The following CCDC171 variants were observed in gnomAD, a reference collection of about 807,000 sequenced individuals.
CCDC171 encodes the protein coiled-coil domain containing 171.
A neutral mutation model predicts 168.2 loss-of-function variants in CCDC171; 177 were observed. That is an observed-to-expected ratio of 1.05 (90% CI 0.93 to 1.19). CCDC171 has a LOEUF of 1.19. Among genes scored for constraint, CCDC171 ranks in the 50% most tolerant of loss-of-function variants. The pLI, the probability that CCDC171 is intolerant of heterozygous loss-of-function variation, is 0.00. For synonymous variants in CCDC171, 687 were observed against 540.8 expected (o/e 1.27, Z -3.75); for missense variants, 1,991 against 1,539.0 (o/e 1.29, Z -4.91).
Position 15,778,953 on chromosome 9 carries a change from C to A in CCDC171, c.2899-15C>A. 1 of 1,449,684 alleles carries A rather than the reference C, an allele frequency of 6.9e-7. No individual in the cohort carries two copies. The highest frequency in any genetic ancestry group is 2.6e-5 in the Admixed American group (1 of 38,644). The allele number at this position is 1,449,684 out of a possible 1,614,324, so 89.8% of individuals were successfully genotyped here. A position where few individuals can be genotyped will look rare whatever the true frequency, so the allele number is the denominator to read the frequency against. On this transcript the variant is annotated splice_polypyrimidine_tract_variant and intron_variant, in intron 19 of 25. Coordinates refer to ENST00000380701, the MANE Select transcript of CCDC171 (RefSeq NM_173550.4). ...TGTAGTTACTGTTTATAAAATTGCTCTTGTTTAACAACAGAAAAGCACAGC... is the reference window on the plus strand; with the variant it reads ...TGTAGTTACTGTTTATAAAATTGCTATTGTTTAACAACAGAAAAGCACAGC...
intron 23 of CCDC171, among the ~76,000 whole-genome samples, chr9:15,850,827 A>G (rs955490288): frequency 2.0e-5 from 3 of 151,974 alleles, no homozygotes; most frequent in Non-Finnish European, 1.5e-5. Flanking sequence ...TGAAACAAAG[A>G]GTAGTATGGA....
At chr9:16,013,785 C>T (rs1290226124) in intron 3 of CCDC171, among the ~76,000 whole-genome samples, 2 of 152,200 alleles carry the variant, frequency 1.3e-5, no homozygotes, top group African/African-American at 4.8e-5. Context: ...CTATTAAGTA[C>T]ACTATATTGT....
chr9:15,898,257 A>T (rs543843197), intron 24 of CCDC171, among the ~76,000 whole-genome samples: 47 of 152,268 alleles, frequency 3.1e-4, no homozygotes, highest in African/African-American at 1.1e-3. Context: ...TTATTTGGCA[A>T]TTCCTGATTG....
intron 3 of CCDC171, among the ~76,000 whole-genome samples, chr9:16,014,884 G>T (rs1301498309): frequency 1.3e-5 from 2 of 151,980 alleles, no homozygotes; most frequent in Non-Finnish European, 2.9e-5. Context: ...ATTCTTAAGG[G>T]CCCTAGGATT....
chr9:16,051,066 T>C (rs3008668), intron 1 of CCDC171, among the ~76,000 whole-genome samples: 36,677 of 152,180 alleles, frequency 0.24, 4,831 homozygotes, highest in Middle Eastern at 0.32. Flanking sequence ...CTGTACAAAG[T>C]GGCCTATGCA....
the CCDC171 span, among the ~76,000 whole-genome samples, chr9:16,085,306 G>C: frequency 6.6e-6 from 1 of 152,240 alleles, no homozygotes; most frequent in Admixed American, 6.5e-5. Context: ...GAGAAGTAGA[G>C]TCTTACGACA....
At chr9:16,101,861 C>T in the CCDC171 span, among the ~76,000 whole-genome samples, 2 of 152,186 alleles carry the variant, frequency 1.3e-5, no homozygotes, top group Admixed American at 1.3e-4. Context: ...GGGAAGAAGC[C>T]CCAAGCCTCG....
chr9:16,059,736 G>C (rs1236267650), intron 1 of CCDC171, among the ~76,000 whole-genome samples: 1 of 150,048 alleles, frequency 6.7e-6, no homozygotes, highest in Non-Finnish European at 1.5e-5. Context: ...GGATGGTCTC[G>C]ATCGCCTGAC....
intron 10 of CCDC171, among the ~76,000 whole-genome samples, chr9:15,681,928 T>C (rs2050066802): frequency 6.6e-6 from 1 of 152,120 alleles, no homozygotes; most frequent in Admixed American, 6.5e-5. Context: ...TTTTCCACAA[T>C]TATATTTCTT....
At chr9:15,954,669 A>T (rs1589237890) in intron 25 of CCDC171, among the ~76,000 whole-genome samples, 2 of 146,488 alleles carry the variant, frequency 1.4e-5, no homozygotes, top group Non-Finnish European at 1.5e-5. Context: ...ATGCTTGTTG[A>T]TTTTTTTTTT....
At chr9:15,747,245 C>T (rs936431402) in intron 18 of CCDC171, among the ~76,000 whole-genome samples, 7 of 152,264 alleles carry the variant, frequency 4.6e-5, no homozygotes, top group African/African-American at 1.7e-4. Flanking sequence ...GCAGCAGCCT[C>T]ATTCAGGGAC....
At chr9:15,795,753 A>G (rs189870441) in intron 21 of CCDC171, among the ~76,000 whole-genome samples, 201 of 152,344 alleles carry the variant, frequency 1.3e-3, no homozygotes, top group African/African-American at 4.6e-3. Flanking sequence ...TAGCAGCTAC[A>G]TGAGAATTTG....
chr9:16,084,296 T>C, the CCDC171 span, among the ~76,000 whole-genome samples: 1 of 152,120 alleles, frequency 6.6e-6, no homozygotes, highest in African/African-American at 2.4e-5. Context: ...CTCTCTGTCT[T>C]TGGCTGCCTG....
rs1045680808 is a variant in CCDC171, at chr9:15,771,235, C to T, written c.2672-6365C>T. Among the ~76,000 whole-genome samples, 6 of 152,024 alleles carry T rather than the reference C, an allele frequency of 3.9e-5. No homozygotes were observed. In the East Asian group the frequency reaches 9.6e-4, roughly 24 times the overall value. ...GTGCAGTTATTTCTTGGGCTAAATT[C>T]ATGAGAAATGGGATTGTATATTTTA... is the stretch of plus-strand genomic sequence containing the variant. On this transcript the variant is annotated intron_variant, in intron 18 of 25. Coordinates refer to ENST00000380701, the MANE Select transcript of CCDC171 (RefSeq NM_173550.4).
At chr9:15,714,912 ATCTCTGTAGG>A (rs1441236320) in intron 11 of CCDC171, among the ~76,000 whole-genome samples, 1 of 152,176 alleles carries the variant, frequency 6.6e-6, no homozygotes, top group African/African-American at 2.4e-5. Context: ...AATGTCAGTG[ATCTCTGTAGG>A]TCAAACCATT....
intron 4 of CCDC171, among the ~76,000 whole-genome samples, chr9:15,587,198 G>A (rs1267480443): frequency 6.6e-6 from 1 of 152,128 alleles, no homozygotes; most frequent in Non-Finnish European, 1.5e-5. Context: ...ACTCTTTTGT[G>A]TATCACCTGA....
chr9:15,796,665 G>A (rs527382235), intron 21 of CCDC171, among the ~76,000 whole-genome samples: 6 of 152,210 alleles, frequency 3.9e-5, no homozygotes, highest in Non-Finnish European at 8.8e-5. Flanking sequence ...GGTGTTGGCA[G>A]GGTGCAAGAT....
At chr9:15,640,984 T>C (rs752219751) in intron 7 of CCDC171, among the ~76,000 whole-genome samples, 1 of 152,106 alleles carries the variant, frequency 6.6e-6, no homozygotes, top group Non-Finnish European at 1.5e-5. Flanking sequence ...TAATAAAATA[T>C]TAACAGCTAT....
intron 1 of CCDC171, among the ~76,000 whole-genome samples, chr9:16,058,436 G>T (rs1453604054): frequency 6.6e-6 from 1 of 152,122 alleles, no homozygotes; most frequent in African/African-American, 2.4e-5. Flanking sequence ...TATCCTCGCC[G>T]GCGTGCACAA....
Sources: gnomAD v4.1 joint callset for allele counts (sites outside exome capture counted in the v4.1 genomes callset) on GRCh38, gnomAD v4.1.1 for gene constraint, MANE v1.5 for transcripts, NCBI Gene and HGNC (gene_info 2026-07-23, HGNC 2026-07-21) for gene names.